The following SEPTIN3 variants were observed in gnomAD, a reference collection of about 807,000 sequenced individuals.
SEPTIN3 encodes septin 3.
Under a neutral mutation model 45.1 loss-of-function variants are expected in SEPTIN3, and 15 were observed. The ratio of observed to expected loss-of-function variants is 0.33; its 90% CI spans 0.22 to 0.51. The LOEUF (loss-of-function observed/expected upper bound fraction) is 0.51. SEPTIN3 is among the 20% of genes least tolerant of loss of function. The probability of loss-of-function intolerance (pLI) is 0.97; values close to 1 mark genes in which losing one functional copy is unlikely to be tolerated. For synonymous variants in SEPTIN3, 148 were observed against 164.8 expected, an observed-to-expected ratio of 0.90 and a Z score of 0.78; for missense variants, 289 against 457.2, an observed-to-expected ratio of 0.63 and a Z score of 3.35.
intron 2 of SEPTIN3, chr22:41,981,395 A>T (rs56861042): frequency 6.7e-6 from 3 of 448,458 alleles, no homozygotes; most frequent in African/African-American, 5.9e-5. Context: ...GAAAGTGCCC[A>T]GCAACCAGAG....
chr22:41,986,911 G>A (rs2078218462), intron 4 of SEPTIN3, among the ~76,000 whole-genome samples: 1 of 152,118 alleles, frequency 6.6e-6, no homozygotes, highest in Admixed American at 6.6e-5. Flanking sequence ...GGGAGTTCGA[G>A]GCTACAGTGA....
At chr22:41,970,439 A>C (rs1280196429) in intron 1 of SEPTIN3, among the ~76,000 whole-genome samples, 1 of 152,036 alleles carries the variant, frequency 6.6e-6, no homozygotes, top group Non-Finnish European at 1.5e-5. Context: ...AGAGAGTTTC[A>C]ACTATGTCCT....
rs1254907813 is a variant in SEPTIN3 at position 41,994,260 on chromosome 22, C to G, written c.2360-30C>G. On this transcript the variant is annotated intron_variant, in intron 9 of 11. Coordinates refer to ENST00000644076, the MANE Select transcript of SEPTIN3 (RefSeq NM_001363845.2). The surrounding 1 kb of genome is among the most constrained non-coding windows in gnomAD (Gnocchi z 4.2). ...GTTGCTGTATTAATGAACTGACTACCTGTTTTGCTTTGTTTTGTTTTGTTC... is the reference window on the plus strand; with the variant it reads ...GTTGCTGTATTAATGAACTGACTACGTGTTTTGCTTTGTTTTGTTTTGTTC... The G allele has an allele frequency of 1.9e-6, 3 of 1,610,948 alleles. No individual in the cohort carries two copies. Among genetic ancestry groups the G allele is most frequent in the South Asian group, 1.1e-5 (1 of 91,038 alleles).
Position 41,972,247 on chromosome 22 carries a change from C to T in SEPTIN3, c.755C>T (p.Thr252Met), listed in dbSNP as rs543125633. ...CGGGGGCGTCTCCAAAGGGCCAACA[C>T]GACTGTGAATTTGACTGCTATGGAC... is the stretch of plus-strand genomic sequence containing the variant. ...RPRGRLQRAN[T>M]TVNLTAMDTR... Residue 252 changes from threonine (T) to methionine (M), a missense_variant, in exon 2 of 12, where the codon ACG becomes ATG. Thr to Met is a moderately conservative substitution (Grantham distance 81). Coordinates refer to ENST00000644076, the MANE Select transcript of SEPTIN3 (RefSeq NM_001363845.2). 1.8e-5 allele frequency: 7 copies of T among 399,150 alleles called. No individual in the cohort carries two copies. The highest frequency in any genetic ancestry group is 8.8e-5 in the Admixed American group (2 of 22,746). 24.7% of individuals were successfully genotyped at this position (399,150 alleles called of 1,614,324 possible). A position where few individuals can be genotyped will look rare whatever the true frequency, so the allele number is the denominator to read the frequency against.
chr22:41,974,124 A>C (rs2077988594), intron 2 of SEPTIN3, among the ~76,000 whole-genome samples: 1 of 150,302 alleles, frequency 6.7e-6, no homozygotes, highest in African/African-American at 2.4e-5. Flanking sequence ...ATTGTGCGAC[A>C]GAGCAAGACC....
Position 41,994,421 on chromosome 22 carries a change from C to A in SEPTIN3, c.2411+80C>A. ...GGGTCTATCTGTTCAGATTCACCTC[C>A]TGCATCTCCAGGTCTCTCTGACAGA... On this transcript the variant is annotated intron_variant, in intron 10 of 11. Coordinates refer to ENST00000644076, the MANE Select transcript of SEPTIN3 (RefSeq NM_001363845.2). The surrounding 1 kb of genome is among the most constrained non-coding windows in gnomAD (Gnocchi z 4.2). 6.6e-7 allele frequency: 1 copy of A among 1,525,992 alleles called. No homozygotes were observed. 94.5% of individuals were successfully genotyped at this position (1,525,992 alleles called of 1,614,324 possible).
Position 41,976,928 on chromosome 22 carries a change from G to A in SEPTIN3, c.1504+3932G>A. 1.9e-6 allele frequency: 1 copy of A among 530,150 alleles called. No homozygotes were observed. Among genetic ancestry groups the A allele is most frequent in the South Asian group, 8.2e-5 (1 of 12,188 alleles). The allele number at this position is 530,150 out of a possible 1,614,324, so 32.8% of individuals were successfully genotyped here. ...GGCGGCGCGGCGGGGCCGCGGGCCG[G>A]GCGGGTGGGAGGAGAGCGCGAAGGG... On this transcript the variant is annotated intron_variant, in intron 2 of 11. Coordinates refer to ENST00000644076, the MANE Select transcript of SEPTIN3 (RefSeq NM_001363845.2). This position sits in a 1 kb window ranked among gnomAD's most constrained non-coding sequence, Gnocchi z 5.8.
At position 41,994,330 on chromosome 22, in the gene SEPTIN3, C is replaced by T. The variant is rs543517022; in HGVS notation, c.2400C>T (p.Asp800=). The part of the protein sequence containing the change: ...LNHCEFALLR[D]FVIRTHLQDL... ...ACTGTGAGTTTGCCCTGCTTCGAGA[C>T]TTTGTCATCAGGTAAGATGTCTCCC... Residue 800 remains aspartate, a synonymous_variant, in exon 10 of 12, where the codon GAC becomes GAT. Transcript: ENST00000644076. This position sits in a 1 kb window ranked among gnomAD's most constrained non-coding sequence, Gnocchi z 4.2. 34 of 1,614,064 alleles carry T rather than the reference C, an allele frequency of 2.1e-5. No homozygotes were observed. In the South Asian group the frequency reaches 3.5e-4, roughly 17 times the overall value.
At chr22:41,990,705 T>C (rs1473276984) in intron 7 of SEPTIN3, among the ~76,000 whole-genome samples, 16 of 135,976 alleles carry the variant, frequency 1.2e-4, no homozygotes, top group African/African-American at 4.7e-4. Flanking sequence ...GAGATCGTGC[T>C]ACTGTACTCC....
chr22:41,981,651 C>T lies in SEPTIN3; in HGVS notation c.1511C>T (p.Pro504Leu), dbSNP rs754298934. Reference sequence around the variant, plus strand: ...TCCCACCTTGGCTCTGCAGGGCTCCCAGAGACCAGGACGGACGCAGCCATG... The same window carrying T: ...TCCCACCTTGGCTCTGCAGGGCTCCTAGAGACCAGGACGGACGCAGCCATG... Reference protein sequence around the residue: ...LDLATEYKGLPETRTDAAMSE... With the variant: ...LDLATEYKGLLETRTDAAMSE... Residue 504 changes from proline (P) to leucine (L), a missense_variant, in exon 3 of 12, where the codon CCA (proline) becomes CTA (leucine). By Grantham distance (98) the Pro-to-Leu change is moderately conservative. This residue lies in a region of SEPTIN3 where 200 missense variants were observed against 315.1 expected (regional missense o/e 0.63). Coordinates refer to ENST00000644076, the MANE Select transcript of SEPTIN3 (RefSeq NM_001363845.2). 6.2e-7 allele frequency: 1 copy of T among 1,611,640 alleles called. No individual in the cohort carries two copies. Among genetic ancestry groups the T allele is most frequent in the Non-Finnish European group, 8.5e-7 (1 of 1,178,928 alleles).
At position 41,972,232 on chromosome 22, in the gene SEPTIN3, T is replaced by G; in HGVS notation, c.740T>G (p.Leu247Arg). Residue 247 changes from leucine (L) to arginine (R), a missense_variant, in exon 2 of 12, where the codon CTC (leucine) becomes CGC (arginine). Around this residue, in one of 3 missense-constraint regions of SEPTIN3, gnomAD observed 200 missense variants for 315.1 expected, o/e 0.63. Transcript: ENST00000644076. ...GGGATCCCCAGACCCCGGGGGCGTC[T>G]CCAAAGGGCCAACACGACTGTGAAT... ...ARGIPRPRGR[L>R]QRANTTVNLT... The G allele has an allele frequency of 2.5e-6, 1 of 399,050 alleles. No homozygotes were observed. The highest frequency in any genetic ancestry group is 4.4e-6 in the Non-Finnish European group (1 of 226,102). The allele number at this position is 399,050 out of a possible 1,614,324, so 24.7% of individuals were successfully genotyped here.
chr22:41,989,168 T>G (rs1323166161), intron 6 of SEPTIN3, among the ~76,000 whole-genome samples: 1 of 151,682 alleles, frequency 6.6e-6, no homozygotes, highest in Non-Finnish European at 1.5e-5. Flanking sequence ...GTGTTGTTTT[T>G]TTTTGGTTGT....
chr22:41,980,427 C>T (rs897059779), intron 2 of SEPTIN3, among the ~76,000 whole-genome samples: 2 of 152,144 alleles, frequency 1.3e-5, no homozygotes, highest in Non-Finnish European at 1.5e-5. Flanking sequence ...TGAGCCACCG[C>T]GCCCGGCCAT....
At chr22:41,991,937 G>T (rs1030929789) in intron 8 of SEPTIN3, among the ~76,000 whole-genome samples, 1 of 152,072 alleles carries the variant, frequency 6.6e-6, no homozygotes, top group African/African-American at 2.4e-5. Flanking sequence ...CAGTATTTGG[G>T]GTGATGGGAG....
At chr22:41,987,120 C>G (rs1242286197) in intron 4 of SEPTIN3, 86 bp from the exon 5 acceptor site, 1 of 1,008,080 alleles carries the variant, frequency 9.9e-7, no homozygotes, top group Non-Finnish European at 1.5e-6. Context: ...AAGACAAGGC[C>G]TGGGTCTCCC....
intron 2 of SEPTIN3, among the ~76,000 whole-genome samples, chr22:41,974,534 G>A (rs950559498): frequency 7.9e-5 from 12 of 151,598 alleles, no homozygotes; most frequent in Admixed American, 5.9e-4. Context: ...GTGGTGGTGG[G>A]TGCCTGTAGT....
intron 2 of SEPTIN3, among the ~76,000 whole-genome samples, chr22:41,974,492 G>A (rs770264265): frequency 2.0e-5 from 3 of 151,846 alleles, no homozygotes; most frequent in Non-Finnish European, 4.4e-5. Context: ...GTGAAACCCC[G>A]TCTCTACTAA....
intron 6 of SEPTIN3, among the ~76,000 whole-genome samples, chr22:41,988,764 G>A (rs2146708405): frequency 6.6e-6 from 1 of 152,228 alleles, no homozygotes; most frequent in East Asian, 1.9e-4. Flanking sequence ...AAGGCCTCCA[G>A]TTTGGCCCTG....
In SEPTIN3 at chr22:41,996,899, C is replaced by CA. The variant is rs753668839; in HGVS notation, c.2506-2dup. The CA allele has an allele frequency of 6.8e-6, 11 of 1,613,870 alleles. No homozygotes were observed. The African/African-American group carries it at 1.3e-4, about 20-fold the overall frequency. On this transcript the variant is annotated splice_region_variant and splice_polypyrimidine_tract_variant and intron_variant, in intron 11 of 11. Transcript: ENST00000644076. ...CCCTCAACCGTTCTCAACCCCCCTG[C>CA]AGGGAGAAGGCCTCCTGGGCACTGT... is the stretch of plus-strand genomic sequence containing the variant.
Sources: gnomAD v4.1 joint callset for allele counts (sites outside exome capture counted in the v4.1 genomes callset) on GRCh38, gnomAD v4.1.1 for gene constraint, gnomAD v4.1.1 regional missense constraint, Gnocchi (gnomAD v3.1) non-coding constraint, MANE v1.5 for transcripts, NCBI Gene and HGNC (gene_info 2026-07-23, HGNC 2026-07-21) for gene names.